RXYLT1: variants seen among roughly 807,000 people sequenced by gnomAD.
RXYLT1 encodes the protein ribitol xylosyltransferase 1.
In RXYLT1, 41 loss-of-function variants were observed where a neutral mutation model predicts 43.5. That is an observed-to-expected ratio of 0.94 (90% CI 0.73 to 1.22). RXYLT1 has a LOEUF of 1.22. Ranked by LOEUF, RXYLT1 falls within the 50% of genes most tolerant of loss-of-function variation. The probability of loss-of-function intolerance (pLI) is 0.00; values close to 1 mark genes in which losing one functional copy is unlikely to be tolerated. For synonymous variants in RXYLT1, 166 were observed against 194.4 expected (o/e 0.85, Z 1.21); for missense variants, 514 against 532.0 (o/e 0.97, Z 0.33).
intron 3 of RXYLT1, among the ~76,000 whole-genome samples, chr12:63,799,302 CTTTTTTTTTTTTT>C (rs11312130): frequency 1.4e-5 from 1 of 71,632 alleles, no homozygotes; most frequent in Non-Finnish European, 2.6e-5. Flanking sequence ...CTTTTCTTTT[CTTTTTTTTTTTTT>C]TTTTTTTTTG....
chr12:63,780,510 G>T, intron 1 of RXYLT1: 1 of 1,066,814 alleles, frequency 9.4e-7, no homozygotes, highest in Non-Finnish European at 1.1e-6. Context: ...CTCTAATCCT[G>T]CAGTGACCAT....
Position 63,794,873 on chromosome 12 carries a change from C to T in RXYLT1, c.429-7218C>T, listed in dbSNP as rs550176024. Among the ~76,000 whole-genome samples, 5 of 152,200 alleles carry T rather than the reference C, an allele frequency of 3.3e-5. No individual in the cohort carries two copies. In the East Asian group the frequency reaches 9.7e-4, roughly 29 times the overall value. On this transcript the variant is annotated intron_variant, in intron 3 of 5. Transcript: ENST00000261234. ...CAGAATAAATAAATATCTAATTTGT[C>T]AGCAAAATATGTGAAAGCAAGATCT... is the stretch of plus-strand genomic sequence containing the variant.
chr12:63,804,215 T>C (rs995203301), intron 4 of RXYLT1: 8 of 152,302 alleles, frequency 5.3e-5, no homozygotes, highest in African/African-American at 1.7e-4. Flanking sequence ...ATCTAGCAGA[T>C]AGAGCCCAGG....
chr12:63,807,437 T>C (rs2136234352), intron 5 of RXYLT1: 1 of 152,390 alleles, frequency 6.6e-6, no homozygotes, highest in South Asian at 2.1e-4. Context: ...CCCTTGTCCA[T>C]ATATTCTCCC....
chr12:63,787,850 G>A (rs1004899951), intron 3 of RXYLT1, among the ~76,000 whole-genome samples: 2 of 152,116 alleles, frequency 1.3e-5, no homozygotes, highest in Non-Finnish European at 2.9e-5. Context: ...CTCCTGTCTC[G>A]GACTCCTGTC....
intron 5 of RXYLT1, chr12:63,806,150 AACCAT>A (rs768124772): frequency 9.2e-5 from 14 of 152,226 alleles, no homozygotes; most frequent in Non-Finnish European, 1.8e-4. Context: ...TTGCTAATGT[AACCAT>A]ATCATATTCG....
chr12:63,805,907 G>A (rs966108065), intron 5 of RXYLT1: 1 of 152,318 alleles, frequency 6.6e-6, no homozygotes, highest in Non-Finnish European at 1.5e-5. Context: ...GTGGATGAAT[G>A]GTTGGATAGG....
intron 3 of RXYLT1, among the ~76,000 whole-genome samples, chr12:63,791,947 C>T (rs1470339214): frequency 6.6e-6 from 1 of 152,166 alleles, no homozygotes; most frequent in Non-Finnish European, 1.5e-5. Context: ...ATGTGTGAGA[C>T]ACTATTCTCA....
At chr12:63,780,898 C>T (rs1030293910) in intron 1 of RXYLT1, 121 bp from the exon 2 acceptor site, 91 of 866,372 alleles carry the variant, frequency 1.1e-4, no homozygotes, top group Non-Finnish European at 1.4e-4. Context: ...AATTCAGTTG[C>T]TGTACCTCTC....
chr12:63,792,696 C>T (rs1006602411), intron 3 of RXYLT1, among the ~76,000 whole-genome samples: 6 of 152,188 alleles, frequency 3.9e-5, no homozygotes, highest in African/African-American at 9.7e-5. Context: ...GATATTAGCT[C>T]AGTGAATTTT....
Position 63,808,817 on chromosome 12 carries a change from G to C in RXYLT1, c.1057G>C (p.Val353Leu). The stretch of plus-strand genomic sequence containing the variant: ...TTGCTCCTATGGCTCCATTCCTGTG[G>C]TGGAAGACGTGATGACAGCTGGCAA... ...EACSYGSIPV[V>L]EDVMTAGNCG... Residue 353 changes from valine to leucine, a missense_variant, in exon 6 of 6, where the codon GTG becomes CTG. Physicochemically the swap from Val to Leu is conservative, Grantham distance 32. Coordinates refer to ENST00000261234, the MANE Select transcript of RXYLT1 (RefSeq NM_014254.3). 1 of 1,614,122 alleles carries C rather than the reference G, an allele frequency of 6.2e-7. No homozygotes were observed. The highest frequency in any genetic ancestry group is 8.5e-7 in the Non-Finnish European group (1 of 1,180,024).
intron 4 of RXYLT1, among the ~76,000 whole-genome samples, chr12:63,803,060 G>A (rs1011184754): frequency 1.3e-5 from 2 of 150,522 alleles, no homozygotes; most frequent in African/African-American, 2.4e-5. Flanking sequence ...CCTGTATGGC[G>A]CCTCTAGTCC....
chr12:63,799,257 A>C (rs1898101704), intron 3 of RXYLT1, among the ~76,000 whole-genome samples: 1 of 145,316 alleles, frequency 6.9e-6, no homozygotes, highest in South Asian at 2.2e-4. Flanking sequence ...CATATATTTT[A>C]TTTTAATACA....
rs755318582 is a variant in RXYLT1, at chr12:63,780,968, C to G, written c.170-51C>G. ...CTTAATTTAAATGATTTGAATTTAC[C>G]TACAACTGCAATAATACCTTACTGG... On this transcript the variant is annotated intron_variant, in intron 1 of 5. Transcript: ENST00000261234. 7.2e-6 allele frequency: 10 copies of G among 1,381,230 alleles called. No homozygotes were observed. The East Asian group carries it at 2.6e-4, about 37-fold the overall frequency. The allele number at this position is 1,381,230 out of a possible 1,614,324, so 85.6% of individuals were successfully genotyped here.
intron 3 of RXYLT1, 82 bp downstream of exon 3, chr12:63,785,154 A>G: frequency 1.2e-6 from 1 of 805,710 alleles, no homozygotes; most frequent in Non-Finnish European, 1.9e-6. Context: ...AAGAAAAATA[A>G]TAGGAAAATA....
At chr12:63,799,302 C>CTTT (rs11312130) in intron 3 of RXYLT1, among the ~76,000 whole-genome samples, 54 of 71,556 alleles carry the variant, frequency 7.5e-4, no homozygotes, top group Non-Finnish European at 1.0e-3. Context: ...CTTTTCTTTT[C>CTTT]TTTTTTTTTT....
chr12:63,806,401 AATAGCCAAGAAAGGC>A (rs1269903270), intron 5 of RXYLT1: 1 of 152,264 alleles, frequency 6.6e-6, no homozygotes, highest in African/African-American at 2.4e-5. Flanking sequence ...GCTATTTTGG[AATAGCCAAGAAAGGC>A]ATTCATTAGA....
At chr12:63,802,511 GAGGCC>G (rs1222931369) in intron 4 of RXYLT1, 106 bp downstream of exon 4, 1 of 1,049,552 alleles carries the variant, frequency 9.5e-7, no homozygotes, top group African/African-American at 1.6e-5. Context: ...TGGGATTATT[GAGGCC>G]AGGTACAGTC....
chr12:63,803,157 C>T (rs531723679), intron 4 of RXYLT1, among the ~76,000 whole-genome samples: 3 of 103,948 alleles, frequency 2.9e-5, no homozygotes, highest in African/African-American at 3.9e-5. Context: ...GCCTGGGCAA[C>T]AGAGTGAGAT....
Sources: allele counts gnomAD v4.1 joint callset (sites outside exome capture counted in the v4.1 genomes callset), GRCh38; gene constraint gnomAD v4.1.1; transcripts MANE v1.5; gene names NCBI Gene and HGNC (gene_info 2026-07-23, HGNC 2026-07-21).